COP1: variants seen among roughly 807,000 people sequenced by gnomAD.
COP1 encodes the protein E3 ubiquitin-protein ligase COP1.
Under a neutral mutation model 101.3 loss-of-function variants are expected in COP1, and 24 were observed. The ratio of observed to expected loss-of-function variants is 0.24; its 90% CI spans 0.17 to 0.33. The LOEUF (loss-of-function observed/expected upper bound fraction) is 0.33. Among genes scored for constraint, COP1 ranks in the 10% least tolerant of loss-of-function variants. The pLI is 1.00. For synonymous variants in COP1, 347 were observed against 341.9 expected (o/e 1.01, Z -0.17); for missense variants, 663 against 906.2 (o/e 0.73, Z 3.45).
rs1156540170 is a variant in COP1, at chr1:175,978,148, A to T, written c.2133+8795T>A. On this transcript the variant is annotated intron_variant, in intron 18 of 19. Coordinates refer to ENST00000367669, the MANE Select transcript of COP1 (RefSeq NM_022457.7). ...CTTCCCTTAAAAAAGGCAGGACTAAAACCAAAAACAGCAAGTAGCTTAAAA... is the reference window on the plus strand; with the variant it reads ...CTTCCCTTAAAAAAGGCAGGACTAATACCAAAAACAGCAAGTAGCTTAAAA... Among the ~76,000 whole-genome samples the T allele has an allele frequency of 2.0e-5, 3 of 152,178 alleles. No individual in the cohort carries two copies. The East Asian group carries it at 5.8e-4, about 29-fold the overall frequency.
At chr1:176,037,178 G>A (rs1265293565) in intron 14 of COP1, among the ~76,000 whole-genome samples, 5 of 152,024 alleles carry the variant, frequency 3.3e-5, no homozygotes, top group East Asian at 1.9e-4. Flanking sequence ...CGAGGCAGGC[G>A]GATCACGAGG....
At chr1:176,100,651 G>A (rs1353552304) in intron 9 of COP1, among the ~76,000 whole-genome samples, 1 of 152,132 alleles carries the variant, frequency 6.6e-6, no homozygotes. Context: ...TAAACAGAAT[G>A]CCCGTCACTC....
In COP1 at chr1:176,206,917, G is replaced by C; in HGVS notation, c.62C>G (p.Ala21Gly). Residue 21 changes from alanine (A) to glycine (G), a missense_variant, in exon 1 of 20, where the codon GCC becomes GGC. Physicochemically the swap from Ala to Gly is moderately conservative, Grantham distance 60 (BLOSUM62 0). This residue lies in a region of COP1 where 204 missense variants were observed against 203.6 expected (regional missense o/e 1.00). Transcript: ENST00000367669. ...SAGTSPGSSA[A>G]SSVTSASSSL... ...CGAGGAGGCGGAAGTCACCGAGGAGGCCGCCGAGGACCCGGGGCTTGTCCC... is the reference window on the plus strand; with the variant it reads ...CGAGGAGGCGGAAGTCACCGAGGAGCCCGCCGAGGACCCGGGGCTTGTCCC... The C allele has an allele frequency of 2.0e-6, 3 of 1,464,150 alleles. No individual in the cohort carries two copies. In the Admixed American group the frequency reaches 7.3e-5, roughly 36 times the overall value. The allele number at this position is 1,464,150 out of a possible 1,614,324, so 90.7% of individuals were successfully genotyped here.
At chr1:176,148,937 G>T in intron 6 of COP1, 69 bp downstream of exon 6, 1 of 1,009,408 alleles carries the variant, frequency 9.9e-7, no homozygotes, top group South Asian at 1.8e-5. Context: ...AGCCTGAAAT[G>T]CTTTTACAAA....
intron 14 of COP1, among the ~76,000 whole-genome samples, chr1:176,038,993 ATTAT>A (rs1001842522): frequency 6.6e-6 from 1 of 152,166 alleles, no homozygotes; most frequent in African/African-American, 2.4e-5. Flanking sequence ...ACATCTACAG[ATTAT>A]TTCTTTCACT....
intron 15 of COP1, among the ~76,000 whole-genome samples, chr1:175,991,127 A>T (rs185368578): frequency 6.6e-6 from 1 of 152,230 alleles, no homozygotes; most frequent in East Asian, 1.9e-4. Flanking sequence ...ACAATAATAC[A>T]TACTTAACAA....
chr1:176,201,713 C>T (rs1700275862), intron 1 of COP1, among the ~76,000 whole-genome samples: 1 of 152,198 alleles, frequency 6.6e-6, no homozygotes, highest in Non-Finnish European at 1.5e-5. Context: ...AAGTCTCCTG[C>T]TACCATTGAT....
At position 176,162,990 on chromosome 1, in the gene COP1, T is replaced by TA. The variant is rs1272898344; in HGVS notation, c.643-3dup. ...AAATATCTGCCACCTGTGGCCATTC[T>TA]AAAAATGAAGAAAGAAGAAACACAA... is the stretch of plus-strand genomic sequence containing the variant. On this transcript the variant is annotated splice_polypyrimidine_tract_variant and splice_region_variant and intron_variant, in intron 4 of 19. Coordinates refer to ENST00000367669, the MANE Select transcript of COP1 (RefSeq NM_022457.7). The TA allele has an allele frequency of 6.3e-7, 1 of 1,591,270 alleles. No homozygotes were observed. The highest frequency in any genetic ancestry group is 8.5e-7 in the Non-Finnish European group (1 of 1,172,110).
At chr1:176,045,525 T>A (rs1382635330) in intron 12 of COP1, among the ~76,000 whole-genome samples, 8 of 148,082 alleles carry the variant, frequency 5.4e-5, no homozygotes, top group African/African-American at 1.5e-4. Context: ...TTTCCTCATA[T>A]AATTCTCTTT....
intron 11 of COP1, among the ~76,000 whole-genome samples, chr1:176,047,899 C>T (rs966160489): frequency 1.3e-5 from 2 of 151,966 alleles, no homozygotes; most frequent in Admixed American, 1.3e-4. Flanking sequence ...CATAGTGAGA[C>T]CCGATCGCTA....
chr1:175,945,862 G>C (rs1649107734), intron 19 of COP1, among the ~76,000 whole-genome samples: 1 of 152,160 alleles, frequency 6.6e-6, no homozygotes, highest in East Asian at 1.9e-4. Flanking sequence ...GCTCAGCTAA[G>C]GCTTGACTAA....
rs1304422359 is a variant in COP1 at position 176,139,300 on chromosome 1, AC to A, written c.832-2754del. 1.1e-3 allele frequency among the ~76,000 whole-genome samples: 159 copies of A among 147,042 alleles called. 1 individual carries two copies. Among genetic ancestry groups the A allele is most frequent in the African/African-American group, 3.5e-3 (141 of 40,446 alleles). ...AAAACAAAAAAAACAAAAAAAAAAAACAAAAAAAGAGATGCTGGTGAGGCTG... is the reference window on the plus strand; with the variant it reads ...AAAACAAAAAAAACAAAAAAAAAAAAAAAAAAAGAGATGCTGGTGAGGCTG... On this transcript the variant is annotated intron_variant, in intron 6 of 19. Coordinates refer to ENST00000367669, the MANE Select transcript of COP1 (RefSeq NM_022457.7).
intron 9 of COP1, among the ~76,000 whole-genome samples, chr1:176,099,833 C>T (rs182622841): frequency 3.9e-5 from 6 of 152,146 alleles, no homozygotes; most frequent in Non-Finnish European, 7.4e-5. Flanking sequence ...TTCTACAGGC[C>T]CAGAGCTCCA....
chr1:176,066,881 C>G (rs1045333431), intron 11 of COP1, among the ~76,000 whole-genome samples: 3 of 152,138 alleles, frequency 2.0e-5, no homozygotes, highest in Admixed American at 6.5e-5. Context: ...TTGATCCCCT[C>G]CGCCCTTGGA....
chr1:175,952,891 T>C (rs1336820882), intron 18 of COP1, among the ~76,000 whole-genome samples: 1 of 152,148 alleles, frequency 6.6e-6, no homozygotes, highest in Non-Finnish European at 1.5e-5. Flanking sequence ...CACTCCAGCT[T>C]GGGAAACAAA....
intron 9 of COP1, among the ~76,000 whole-genome samples, chr1:176,093,891 C>T (rs991558893): frequency 5.3e-5 from 8 of 150,448 alleles, no homozygotes; most frequent in South Asian, 2.1e-4. Flanking sequence ...GGCATGGTGG[C>T]GCACACCTGT....
intron 1 of COP1, among the ~76,000 whole-genome samples, chr1:176,201,268 T>C (rs901127172): frequency 1.6e-4 from 25 of 152,302 alleles, no homozygotes; most frequent in African/African-American, 5.5e-4. Context: ...CACCCTGTAA[T>C]ACAAATTTTA....
At chr1:176,099,019 T>C (rs1192155390) in intron 9 of COP1, among the ~76,000 whole-genome samples, 1 of 152,246 alleles carries the variant, frequency 6.6e-6, no homozygotes, top group Non-Finnish European at 1.5e-5. Context: ...AAAATTCTAA[T>C]GTCTAAAGTA....
chr1:176,135,014 G>A lies in COP1; in HGVS notation c.964C>T (p.His322Tyr). 1 of 1,607,200 alleles carries A rather than the reference G, an allele frequency of 6.2e-7. No individual in the cohort carries two copies. The highest frequency in any genetic ancestry group is 8.5e-7 in the Non-Finnish European group (1 of 1,174,250). ...VPQFEAPSPS[H>Y]SSIIDSTEYS... ...TTGCAAGTGTGAAGCTTGTACCTGT[G>A]TGATGGAGAAGGAGCTTCAAATTGA... The change falls in exon 8 of 20, where the codon CAC (histidine) becomes TAC (tyrosine). Residue 322 changes from histidine to tyrosine, a missense_variant. By Grantham distance (83) the His-to-Tyr change is moderately conservative (BLOSUM62 2). This residue lies in a region of COP1 where 212 missense variants were observed against 240.7 expected (regional missense o/e 0.88). Coordinates refer to ENST00000367669, the MANE Select transcript of COP1 (RefSeq NM_022457.7).
Sources: gnomAD v4.1 joint callset for allele counts (sites outside exome capture counted in the v4.1 genomes callset) on GRCh38, gnomAD v4.1.1 for gene constraint, gnomAD v4.1.1 regional missense constraint, MANE v1.5 for transcripts, NCBI Gene and HGNC (gene_info 2026-07-23, HGNC 2026-07-21) for gene names.